ESCO1: variants seen among roughly 807,000 people sequenced by gnomAD.
ESCO1 encodes N-acetyltransferase ESCO1.
A neutral mutation model predicts 83.5 loss-of-function variants in ESCO1; 33 were observed. The ratio of observed to expected loss-of-function variants is 0.40; its 90% CI spans 0.30 to 0.53. The LOEUF is 0.53. Among genes scored for constraint, ESCO1 ranks in the 20% least tolerant of loss-of-function variants. ESCO1 has a pLI of 0.63. For missense variants in ESCO1, 855 were observed against 968.0 expected, an observed-to-expected ratio of 0.88 and a Z score of 1.55; for synonymous variants, 332 against 324.3, an observed-to-expected ratio of 1.02 and a Z score of -0.25.
At chr18:21,581,519 G>A (rs2038501942) in intron 2 of ESCO1, among the ~76,000 whole-genome samples, 1 of 151,738 alleles carries the variant, frequency 6.6e-6, no homozygotes, top group South Asian at 2.1e-4. Flanking sequence ...GCTGAGGCAG[G>A]AGAATCGTTG....
intron 11 of ESCO1, among the ~76,000 whole-genome samples, chr18:21,532,266 T>G (rs1393370712): frequency 1.3e-5 from 2 of 152,210 alleles, no homozygotes; most frequent in African/African-American, 2.4e-5. Context: ...ATATTAATAG[T>G]GTTTAGCCTA....
rs535206834 is a variant in ESCO1 at position 21,558,556 on chromosome 18, C to A, written c.1953+2303G>T. ...CCAGCCTGACCAATACAGTGAAACT[C>A]CATCTCTACTAAAAATACAAAAATT... On this transcript the variant is annotated intron_variant, in intron 8 of 11. Coordinates refer to ENST00000269214, the MANE Select transcript of ESCO1 (RefSeq NM_052911.3). 1.2e-4 allele frequency among the ~76,000 whole-genome samples: 18 copies of A among 152,042 alleles called. No homozygotes were observed. The Middle Eastern group carries it at 0.014, about 115-fold the overall frequency.
At chr18:21,562,641 TA>T (rs879682676) in intron 7 of ESCO1, among the ~76,000 whole-genome samples, 436 of 144,200 alleles carry the variant, frequency 3.0e-3, no homozygotes, top group African/African-American at 2.8e-3. Context: ...GACCCTATCT[TA>T]AAAAAAAAAA....
At chr18:21,556,338 G>A in intron 8 of ESCO1, among the ~76,000 whole-genome samples, 1 of 152,100 alleles carries the variant, frequency 6.6e-6, no homozygotes, top group East Asian at 1.9e-4. Context: ...CTAATGCCCA[G>A]TTTCCTCTTT....
intron 7 of ESCO1, among the ~76,000 whole-genome samples, chr18:21,561,809 C>A (rs1261379707): frequency 6.6e-6 from 1 of 152,014 alleles, no homozygotes; most frequent in Non-Finnish European, 1.5e-5. Context: ...CTCAAGCGAT[C>A]CTCCTGCCTC....
At chr18:21,564,397 C>T (rs1598465475) in intron 6 of ESCO1, 80 bp from the exon 7 acceptor site, 6 of 795,598 alleles carry the variant, frequency 7.5e-6, no homozygotes, top group Non-Finnish European at 9.1e-6. Flanking sequence ...AACTTATTTT[C>T]TTTTTTTTTT....
chr18:21,588,846 G>A (rs995097673), intron 1 of ESCO1, among the ~76,000 whole-genome samples: 44 of 152,070 alleles, frequency 2.9e-4, no homozygotes, highest in African/African-American at 3.9e-4. Context: ...AGCCTTGATC[G>A]CACCACTCCA....
intron 2 of ESCO1, among the ~76,000 whole-genome samples, chr18:21,583,639 G>A (rs2038534242): frequency 6.7e-6 from 1 of 149,194 alleles, no homozygotes; most frequent in South Asian, 2.1e-4. Context: ...GTGAGAGACT[G>A]TCTCAAAAAA....
chr18:21,589,152 T>G (rs967393408), intron 1 of ESCO1, among the ~76,000 whole-genome samples: 2 of 150,890 alleles, frequency 1.3e-5, no homozygotes, highest in Non-Finnish European at 2.9e-5. Flanking sequence ...GGCAGGAGAA[T>G]CATTTGAACC....
At chr18:21,585,529 G>C (rs2038563124) in intron 1 of ESCO1, among the ~76,000 whole-genome samples, 1 of 152,072 alleles carries the variant, frequency 6.6e-6, no homozygotes, top group Non-Finnish European at 1.5e-5. Flanking sequence ...TATCCCATTG[G>C]TCTTTATGAT....
Position 21,540,028 on chromosome 18 carries a change from A to G in ESCO1, c.1954-19T>C. On this transcript the variant is annotated intron_variant, in intron 8 of 11. Coordinates refer to ENST00000269214, the MANE Select transcript of ESCO1 (RefSeq NM_052911.3). The stretch of plus-strand genomic sequence containing the variant: ...TCCAGCCCTAGATATATATATATAT[A>G]TATACACACATATGTAAAGTATGAA... 6.5e-7 allele frequency: 1 copy of G among 1,542,084 alleles called. No homozygotes were observed.
intron 4 of ESCO1, among the ~76,000 whole-genome samples, chr18:21,569,836 C>A (rs549403096): frequency 6.6e-6 from 1 of 152,212 alleles, no homozygotes; most frequent in South Asian, 2.1e-4. Context: ...GGCGACAGAG[C>A]AAGACTCCGT....
rs2038786853 is a variant in ESCO1, at chr18:21,597,767, A to G, written c.-825+2856T>C. ...CTCTGAGTTTTTGTGTGAATCTTAC[A>G]CGTGCTGCCATAAATGTCTAAAGGA... is the stretch of plus-strand genomic sequence containing the variant. On this transcript the variant is annotated intron_variant, in intron 1 of 11. Coordinates refer to ENST00000269214, the MANE Select transcript of ESCO1 (RefSeq NM_052911.3). Among the ~76,000 whole-genome samples, 3 of 152,288 alleles carry G rather than the reference A, an allele frequency of 2.0e-5. No homozygotes were observed. The South Asian group carries it at 6.2e-4, about 32-fold the overall frequency.
chr18:21,544,680 C>G (rs1285522717), intron 8 of ESCO1, among the ~76,000 whole-genome samples: 1 of 150,884 alleles, frequency 6.6e-6, no homozygotes, highest in African/African-American at 2.4e-5. Flanking sequence ...AAAGTAATAA[C>G]ATGATGCCTA....
intron 8 of ESCO1, among the ~76,000 whole-genome samples, chr18:21,550,916 T>C (rs2038037748): frequency 6.6e-6 from 1 of 151,432 alleles, no homozygotes; most frequent in Admixed American, 6.6e-5. Context: ...ATCAAGACCA[T>C]CCTGGCTAAC....
At position 21,574,783 on chromosome 18, in the gene ESCO1, C is replaced by T. The variant is rs762170421; in HGVS notation, c.61G>A (p.Asp21Asn). Residue 21 changes from aspartate to asparagine, a missense_variant, in exon 4 of 12, where the codon GAT becomes AAT. Coordinates refer to ENST00000269214, the MANE Select transcript of ESCO1 (RefSeq NM_052911.3). ...TGAATTTCTGTTTCTGAATTCTTAT[C>T]GTCACTTTTTTTAGTAACTTTGGAG... ...NSSKVTKKSD[D>N]KNSETEIQDS... 2.2e-5 allele frequency: 35 copies of T among 1,602,178 alleles called. No homozygotes were observed. The highest frequency in any genetic ancestry group is 8.9e-5 in the South Asian group (8 of 90,058).
chr18:21,552,271 T>A (rs2038055613), intron 8 of ESCO1, among the ~76,000 whole-genome samples: 1 of 152,194 alleles, frequency 6.6e-6, no homozygotes, highest in South Asian at 2.1e-4. Flanking sequence ...ATGGTTTGGC[T>A]GTGTCCCCAC....
intron 8 of ESCO1, among the ~76,000 whole-genome samples, chr18:21,552,325 C>T (rs912096364): frequency 1.3e-5 from 2 of 152,268 alleles, no homozygotes; most frequent in South Asian, 4.1e-4. Flanking sequence ...CCCCACGTGT[C>T]ATGGGAGCAA....
chr18:21,565,954 TAAAG>T (rs1339955765), intron 6 of ESCO1, among the ~76,000 whole-genome samples, 188 bp downstream of exon 6: 1 of 151,520 alleles, frequency 6.6e-6, no homozygotes, highest in African/African-American at 2.4e-5. Context: ...AATAAAGAAA[TAAAG>T]AATGAGGTAG....
Sources: allele counts gnomAD v4.1 joint callset (sites outside exome capture counted in the v4.1 genomes callset), GRCh38; gene constraint gnomAD v4.1.1; transcripts MANE v1.5; gene names NCBI Gene and HGNC (gene_info 2026-07-23, HGNC 2026-07-21).